NPLOC4: variants seen among roughly 807,000 people sequenced by gnomAD.
The protein encoded by NPLOC4 is nuclear protein localization protein 4 homolog.
In NPLOC4, 18 loss-of-function variants were observed where a neutral mutation model predicts 80.6. The observed-to-expected ratio is 0.22, with a 90% CI of 0.15 to 0.33. The LOEUF is 0.33. Ranked by LOEUF, NPLOC4 falls within the 10% of genes least tolerant of loss-of-function variation. The pLI, the probability that NPLOC4 is intolerant of heterozygous loss-of-function variation, is 1.00. For synonymous variants in NPLOC4, 313 were observed against 301.5 expected, an observed-to-expected ratio of 1.04 and a Z score of -0.39; for missense variants, 540 against 786.1, an observed-to-expected ratio of 0.69 and a Z score of 3.74.
rs377534388 is a variant in NPLOC4, at chr17:81,608,764, T to A, written c.494A>T (p.His165Leu). The A allele has an allele frequency of 1.3e-6, 2 of 1,593,524 alleles. No homozygotes were observed. Among genetic ancestry groups the A allele is most frequent in the African/African-American group, 2.7e-5 (2 of 74,624 alleles). ...TCCAGTCAGCTTCCGGATGTAGGCG[T>A]GGAAGGACATGTGCTTCACGGGAGG... ...LEPPVKHMSF[H>L]AYIRKLTGGA... The change falls in exon 6 of 17, where the codon CAC (histidine) becomes CTC (leucine). Residue 165 changes from histidine (H) to leucine (L), a missense_variant. Physicochemically the swap from His to Leu is moderately conservative, Grantham distance 99 (BLOSUM62 -3). Coordinates refer to ENST00000331134, the MANE Select transcript of NPLOC4 (RefSeq NM_017921.4).
intron 14 of NPLOC4, among the ~76,000 whole-genome samples, chr17:81,568,564 G>A (rs2034075050): frequency 6.6e-6 from 1 of 152,252 alleles, no homozygotes; most frequent in Admixed American, 6.5e-5. Context: ...GACCTGGCCT[G>A]ATCTGCCAGT....
At chr17:81,564,048 T>G (rs1022533839) in intron 16 of NPLOC4, 2 of 394,128 alleles carry the variant, frequency 5.1e-6, no homozygotes, top group Non-Finnish European at 1.0e-5. Flanking sequence ...GCCACTGCAC[T>G]CCAGCCTGGG....
In NPLOC4 at chr17:81,557,771, G is replaced by A. The variant is rs1208193323; in HGVS notation, c.*1488C>T. ...CTTCCTGACCCTCCACAATAGCTCT[G>A]CCGTGACCAGACCCAACCCAACTGG... On this transcript the variant is annotated 3_prime_UTR_variant, in exon 17 of 17. Transcript: ENST00000331134. 1.3e-5 allele frequency: 2 copies of A among 152,304 alleles called. No individual in the cohort carries two copies. The highest frequency in any genetic ancestry group is 2.4e-5 in the African/African-American group (1 of 41,462). The allele number at this position is 152,304 out of a possible 1,614,324, so 9.4% of individuals were successfully genotyped here.
At chr17:81,574,517 G>A (rs544815866) in intron 12 of NPLOC4, among the ~76,000 whole-genome samples, 32 of 152,276 alleles carry the variant, frequency 2.1e-4, no homozygotes, top group Admixed American at 1.9e-3. Flanking sequence ...GTTGGAATGC[G>A]CTGGGAGGAG....
intron 12 of NPLOC4, among the ~76,000 whole-genome samples, chr17:81,581,375 A>AAAAAAAAAAAAAATAAAAAAAAGTC (rs1555680405): frequency 1.4e-5 from 1 of 72,810 alleles, no homozygotes; most frequent in African/African-American, 4.7e-5. Context: ...AAAAAAAAAA[A>AAAAAAAAAAAAAATAAAAAAAAGTC]AGTTAATAAA....
chr17:81,628,542 C>G (rs919878311), intron 2 of NPLOC4, among the ~76,000 whole-genome samples: 3 of 151,850 alleles, frequency 2.0e-5, no homozygotes, highest in African/African-American at 7.3e-5. Context: ...CTCATATAAA[C>G]ACAGGGCAAA....
chr17:81,596,079 G>T (rs1008782658), intron 11 of NPLOC4, 37 bp downstream of exon 11: 1 of 1,578,268 alleles, frequency 6.3e-7, no homozygotes, highest in Non-Finnish European at 8.7e-7. Flanking sequence ...TATTAACGAG[G>T]TGGTAATATT....
At chr17:81,600,212 C>T in intron 9 of NPLOC4, 129 bp downstream of exon 9, 2 of 672,186 alleles carry the variant, frequency 3.0e-6, no homozygotes, top group Non-Finnish European at 5.4e-6. Flanking sequence ...ATAGTGCCTG[C>T]ACCTGACCTT....
intron 3 of NPLOC4, among the ~76,000 whole-genome samples, chr17:81,615,905 G>A (rs999112952): frequency 6.6e-6 from 1 of 152,246 alleles, no homozygotes; most frequent in Non-Finnish European, 1.5e-5. Context: ...ATCTGGAGCA[G>A]AACCAGGGAT....
At chr17:81,616,333 A>AAAAAAAAAAAAAAAAAAAAAAGAAAC (rs780878214) in intron 3 of NPLOC4, among the ~76,000 whole-genome samples, 2 of 115,634 alleles carry the variant, frequency 1.7e-5, no homozygotes, top group Non-Finnish European at 3.4e-5. Flanking sequence ...AAAAAAAAAA[A>AAAAAAAAAAAAAAAAAAAAAAGAAAC]AAAAAGAAAA....
chr17:81,589,454 C>T (rs1884624589), intron 11 of NPLOC4, among the ~76,000 whole-genome samples: 1 of 151,274 alleles, frequency 6.6e-6, no homozygotes, highest in African/African-American at 2.4e-5. Context: ...GCGTGAATGG[C>T]GTGAACCCGG....
chr17:81,610,172 C>T, intron 5 of NPLOC4, 38 bp downstream of exon 5: 1 of 1,552,796 alleles, frequency 6.4e-7, no homozygotes, highest in Non-Finnish European at 8.7e-7. Context: ...CCGCAGCCCC[C>T]CACACTGGCC....
At chr17:81,622,319 A>G (rs753046286) in intron 2 of NPLOC4, 41 bp from the exon 3 acceptor site, 4 of 1,401,458 alleles carry the variant, frequency 2.9e-6, no homozygotes, top group South Asian at 1.2e-5. Flanking sequence ...ATGAAATGCT[A>G]AAGTATCACT....
chr17:81,567,348 G>GC lies in NPLOC4; in HGVS notation c.1566+68dup. The GC allele has an allele frequency of 2.1e-6, 2 of 932,714 alleles. No homozygotes were observed. The highest frequency in any genetic ancestry group is 3.4e-6 in the Non-Finnish European group (2 of 581,676). 57.8% of individuals were successfully genotyped at this position (932,714 alleles called of 1,614,324 possible). A position where few individuals can be genotyped will look rare whatever the true frequency, so the allele number is the denominator to read the frequency against. ...ATGCTCTGGTCTGGGAGGAAAGAAAGCAAGACACAGGCGTCTCTTTGCAGC... is the reference window on the plus strand; with the variant it reads ...ATGCTCTGGTCTGGGAGGAAAGAAAGCCAAGACACAGGCGTCTCTTTGCAGC... On this transcript the variant is annotated intron_variant, in intron 15 of 16. Coordinates refer to ENST00000331134, the MANE Select transcript of NPLOC4 (RefSeq NM_017921.4). This position sits in a 1 kb window ranked among gnomAD's most constrained non-coding sequence, Gnocchi z 4.5.
At chr17:81,622,303 A>C (rs1293328867) in intron 2 of NPLOC4, 25 bp from the exon 3 acceptor site, 1 of 1,477,882 alleles carries the variant, frequency 6.8e-7, no homozygotes, top group Non-Finnish European at 9.5e-7. Context: ...AAAGAACAGA[A>C]ATTTAATGAA....
chr17:81,608,584 A>ATAAG (rs2035264022), intron 6 of NPLOC4, 144 bp downstream of exon 6: 1 of 598,890 alleles, frequency 1.7e-6, no homozygotes, highest in Admixed American at 2.9e-5. Flanking sequence ...AAATAAATAA[A>ATAAG]TATAGAACCA....
intron 3 of NPLOC4, 144 bp from the exon 4 acceptor site, chr17:81,613,638 C>A: frequency 1.5e-6 from 1 of 686,608 alleles, no homozygotes; most frequent in Non-Finnish European, 2.4e-6. Context: ...GATGAGAATT[C>A]TCTTCTAACA....
At chr17:81,619,099 C>G (rs1188096516) in intron 3 of NPLOC4, among the ~76,000 whole-genome samples, 1 of 152,076 alleles carries the variant, frequency 6.6e-6, no homozygotes, top group African/African-American at 2.4e-5. Context: ...CTAGGAAAAC[C>G]AGAGACCTTT....
At chr17:81,621,420 G>A (rs2035664590) in intron 3 of NPLOC4, among the ~76,000 whole-genome samples, 1 of 152,222 alleles carries the variant, frequency 6.6e-6, no homozygotes, top group African/African-American at 2.4e-5. Context: ...CTGCCAGCAG[G>A]TCCCAGGCCC....
Sources: gnomAD v4.1 joint callset for allele counts (sites outside exome capture counted in the v4.1 genomes callset) on GRCh38, gnomAD v4.1.1 for gene constraint, Gnocchi (gnomAD v3.1) non-coding constraint, MANE v1.5 for transcripts, NCBI Gene and HGNC (gene_info 2026-07-23, HGNC 2026-07-21) for gene names.